The following HOGA1 variants were observed in gnomAD, a reference collection of about 807,000 sequenced individuals.
HOGA1 encodes the protein 4-hydroxy-2-oxoglutarate aldolase 1.
A neutral mutation model predicts 34.3 loss-of-function variants in HOGA1; 30 were observed. The ratio of observed to expected loss-of-function variants is 0.87; its 90% CI spans 0.65 to 1.19. The LOEUF (loss-of-function observed/expected upper bound fraction) is 1.19, where lower values mean the gene tolerates loss of function less well. Among genes scored for constraint, HOGA1 ranks in the 50% most tolerant of loss-of-function variants. HOGA1 has a pLI of 0.00. For missense variants in HOGA1, 417 were observed against 436.5 expected (o/e 0.96, Z 0.40); for synonymous variants, 161 against 174.0 (o/e 0.93, Z 0.59).
rs1338838345 is a variant in HOGA1 at position 97,611,683 on chromosome 10, C to G, written c.*24C>G. Reference sequence around the variant, plus strand: ...GAGGGCAGGCAGGGTCCATGGCTGGCCTGAGCCCATCTCAGCCTCCTGCCT... The same window carrying G: ...GAGGGCAGGCAGGGTCCATGGCTGGGCTGAGCCCATCTCAGCCTCCTGCCT... On this transcript the variant is annotated 3_prime_UTR_variant, in exon 7 of 7. Coordinates refer to ENST00000370646, the MANE Select transcript of HOGA1 (RefSeq NM_138413.4). The G allele has an allele frequency of 1.2e-6, 2 of 1,605,660 alleles. No homozygotes were observed. The highest frequency in any genetic ancestry group is 1.7e-6 in the Non-Finnish European group (2 of 1,177,712).
chr10:97,605,635 T>C (rs989485422), intron 6 of HOGA1, among the ~76,000 whole-genome samples: 4 of 152,204 alleles, frequency 2.6e-5, no homozygotes, highest in South Asian at 2.1e-4. Context: ...AGATGTATGG[T>C]ACAAATTAAA....
chr10:97,608,638 C>G (rs2041174262), intron 6 of HOGA1, among the ~76,000 whole-genome samples: 1 of 152,012 alleles, frequency 6.6e-6, no homozygotes, highest in African/African-American at 2.4e-5. Context: ...AACCCTCTCT[C>G]TATTAAAAAT....
intron 1 of HOGA1, among the ~76,000 whole-genome samples, chr10:97,585,762 A>G (rs537590316): frequency 6.6e-6 from 1 of 152,318 alleles, no homozygotes; most frequent in South Asian, 2.1e-4. Context: ...TGGAGCTGCT[A>G]GGCCACACTA....
At chr10:97,599,450 A>C (rs2041098646) in intron 3 of HOGA1, 1 of 720,646 alleles carries the variant, frequency 1.4e-6, no homozygotes, top group African/African-American at 1.7e-5. Flanking sequence ...AGTGAGCATT[A>C]AATGAGATCA....
intron 6 of HOGA1, among the ~76,000 whole-genome samples, chr10:97,607,295 C>T (rs1486518255): frequency 1.3e-5 from 2 of 152,096 alleles, no homozygotes; most frequent in African/African-American, 2.4e-5. Context: ...TGGTGCAAGT[C>T]CTGACTTCCC....
At chr10:97,593,351 C>T (rs1382432785) in intron 1 of HOGA1, among the ~76,000 whole-genome samples, 1 of 151,960 alleles carries the variant, frequency 6.6e-6, no homozygotes, top group Non-Finnish European at 1.5e-5. Flanking sequence ...GTGGCAGGCA[C>T]CTGTAATCTC....
At position 97,602,690 on chromosome 10, in the gene HOGA1, CTTCT is replaced by C. The variant is rs2041129431; in HGVS notation, c.834+707_834+710del. On this transcript the variant is annotated intron_variant, in intron 6 of 6. Coordinates refer to ENST00000370646, the MANE Select transcript of HOGA1 (RefSeq NM_138413.4). ...TTCTCTTTCTCTCTTTCTTTCTTTC[CTTCT>C]TTCTTTTTTTAGACAGAGTCTTGCT... is the stretch of plus-strand genomic sequence containing the variant. 4 of 702,118 alleles carry C rather than the reference CTTCT, an allele frequency of 5.7e-6. No individual in the cohort carries two copies. In the South Asian group the frequency reaches 2.0e-4, roughly 34 times the overall value. The allele number at this position is 702,118 out of a possible 1,614,324, so 43.5% of individuals were successfully genotyped here. A position where few individuals can be genotyped will look rare whatever the true frequency, so the allele number is the denominator to read the frequency against.
intron 1 of HOGA1, chr10:97,590,495 T>C: frequency 1.2e-6 from 2 of 1,613,120 alleles, no homozygotes; most frequent in Non-Finnish European, 1.7e-6. Flanking sequence ...ACACACCTTC[T>C]ATGGCCACAG....
rs540202969 is a variant in HOGA1, at chr10:97,589,839, A to G, written c.211+4925A>G. 2.2e-6 allele frequency: 3 copies of G among 1,376,432 alleles called. No individual in the cohort carries two copies. In the South Asian group the frequency reaches 3.8e-5, roughly 18 times the overall value. 85.3% of individuals were successfully genotyped at this position (1,376,432 alleles called of 1,614,324 possible). A position where few individuals can be genotyped will look rare whatever the true frequency, so the allele number is the denominator to read the frequency against. On this transcript the variant is annotated intron_variant, in intron 1 of 6. Coordinates refer to ENST00000370646, the MANE Select transcript of HOGA1 (RefSeq NM_138413.4). ...CTGGAGACCTTCTTGGAGCTCATCC[A>G]GCAGCCATCATGCAAGGTGGTGCTG... is the stretch of plus-strand genomic sequence containing the variant.
intron 6 of HOGA1, chr10:97,602,225 C>A (rs544277494): frequency 6.6e-7 from 1 of 1,507,960 alleles, no homozygotes; most frequent in Non-Finnish European, 8.9e-7. Flanking sequence ...TCCTTGGGGG[C>A]GAATTAAAGT....
In HOGA1 at chr10:97,602,675, C is replaced by CTCTT. The variant is rs112065979; in HGVS notation, c.834+696_834+699dup. 3,272 of 777,998 alleles carry CTCTT rather than the reference C, an allele frequency of 4.2e-3. 97 individuals are homozygous for CTCTT. In the African/African-American group the frequency reaches 0.059, roughly 14 times the overall value. 48.2% of individuals were successfully genotyped at this position (777,998 alleles called of 1,614,324 possible). A position where few individuals can be genotyped will look rare whatever the true frequency, so the allele number is the denominator to read the frequency against. On this transcript the variant is annotated intron_variant, in intron 6 of 6. Coordinates refer to ENST00000370646, the MANE Select transcript of HOGA1 (RefSeq NM_138413.4). ...CCTTTCTGTCTTTCTTTCTCTTTCTCTCTTTCTTTCTTTCCTTCTTTCTTT... is the reference window on the plus strand; with the variant it reads ...CCTTTCTGTCTTTCTTTCTCTTTCTCTCTTTCTTTCTTTCTTTCCTTCTTTCTTT...
chr10:97,590,177 T>G (rs1238867646), intron 1 of HOGA1: 1 of 1,614,000 alleles, frequency 6.2e-7, no homozygotes, highest in South Asian at 1.1e-5. Flanking sequence ...CCGGGAATCC[T>G]TCACCAGCAG....
intron 6 of HOGA1, among the ~76,000 whole-genome samples, chr10:97,606,398 G>T (rs1455079856): frequency 2.0e-5 from 3 of 151,916 alleles, no homozygotes; most frequent in Non-Finnish European, 2.9e-5. Context: ...TTATAAGTCT[G>T]TGACTCATTT....
At chr10:97,590,274 C>T in intron 1 of HOGA1, 1 of 1,613,742 alleles carries the variant, frequency 6.2e-7, no homozygotes, top group South Asian at 1.1e-5. Flanking sequence ...ACGTGGGCCG[C>T]TGTGGCTGCC....
chr10:97,589,785 T>C (rs2041002930), intron 1 of HOGA1: 1 of 780,758 alleles, frequency 1.3e-6, no homozygotes, highest in Non-Finnish European at 2.2e-6. Context: ...CCCAGCGTGC[T>C]CTTAGCTCTG....
rs758692283 is a variant in HOGA1, at chr10:97,590,326, C to A, written c.211+5412C>A. 3 of 1,613,964 alleles carry A rather than the reference C, an allele frequency of 1.9e-6. No individual in the cohort carries two copies. The South Asian group carries it at 3.3e-5, about 18-fold the overall frequency. ...ACACCCAGGGGCGGCACCTGGCTCACTCCATGCTGCAGCGGGCCATAGCTT... is the reference window on the plus strand; with the variant it reads ...ACACCCAGGGGCGGCACCTGGCTCAATCCATGCTGCAGCGGGCCATAGCTT... On this transcript the variant is annotated intron_variant, in intron 1 of 6. Transcript: ENST00000370646.
At chr10:97,597,598 A>G (rs1443845410) in intron 1 of HOGA1, among the ~76,000 whole-genome samples, 1 of 152,178 alleles carries the variant, frequency 6.6e-6, no homozygotes, top group Admixed American at 6.6e-5. Context: ...TTGTTCTGAC[A>G]ATACCATGAT....
chr10:97,593,019 G>A (rs1414202664), intron 1 of HOGA1, among the ~76,000 whole-genome samples: 1 of 77,820 alleles, frequency 1.3e-5, no homozygotes, highest in African/African-American at 5.6e-5. Flanking sequence ...GACAGAGTGA[G>A]ACTCTGTCTC....
At chr10:97,589,268 G>C (rs2040998146) in intron 1 of HOGA1, among the ~76,000 whole-genome samples, 2 of 151,970 alleles carry the variant, frequency 1.3e-5, no homozygotes, top group Admixed American at 6.6e-5. Context: ...AATGAGGATG[G>C]AATATGCCAG....
Sources: gnomAD v4.1 joint callset for allele counts (sites outside exome capture counted in the v4.1 genomes callset) on GRCh38, gnomAD v4.1.1 for gene constraint, MANE v1.5 for transcripts, NCBI Gene and HGNC (gene_info 2026-07-23, HGNC 2026-07-21) for gene names.